PEPD: variants seen among roughly 807,000 people sequenced by gnomAD.
PEPD encodes the protein xaa-Pro dipeptidase.
In PEPD, 53 loss-of-function variants were observed where a neutral mutation model predicts 60.7. The observed-to-expected ratio is 0.87, with a 90% CI of 0.70 to 1.10. PEPD has a LOEUF of 1.10. PEPD is among the 50% of genes least tolerant of loss of function. PEPD has a pLI of 0.00. For synonymous variants in PEPD, 267 were observed against 284.1 expected (o/e 0.94, Z 0.60); for missense variants, 711 against 711.9 (o/e 1.00, Z 0.01).
chr19:33,393,300 C>CGGGGTCT lies in PEPD; in HGVS notation c.968-1828_968-1822dup, dbSNP rs544367309. On this transcript the variant is annotated intron_variant, in intron 12 of 14. Coordinates refer to ENST00000244137, the MANE Select transcript of PEPD (RefSeq NM_000285.4). ...CTGGGGTCTGGCGTGGGGGAGAGCC[C>CGGGGTCT]GGGGTCTGGCGTGGGGGAGAGCCCG... Among the ~76,000 whole-genome samples the CGGGGTCT allele has an allele frequency of 3.9e-3, 585 of 148,634 alleles. 3 individuals are homozygous for CGGGGTCT. The highest frequency in any genetic ancestry group is 0.014 in the Middle Eastern group (4 of 288).
intron 1 of PEPD, among the ~76,000 whole-genome samples, chr19:33,520,135 G>C (rs868537039): frequency 6.6e-6 from 1 of 151,750 alleles, no homozygotes; most frequent in Non-Finnish European, 1.5e-5. Flanking sequence ...ACTTGCTCCC[G>C]TCCAGACATC....
At chr19:33,445,975 C>G (rs1261478324) in intron 9 of PEPD, among the ~76,000 whole-genome samples, 1 of 152,212 alleles carries the variant, frequency 6.6e-6, no homozygotes, top group African/African-American at 2.4e-5. Flanking sequence ...CCTGCCTGCC[C>G]CTGCCCCCAC....
chr19:33,390,775 A>G (rs1003004692), intron 13 of PEPD, among the ~76,000 whole-genome samples: 3 of 152,184 alleles, frequency 2.0e-5, no homozygotes, highest in African/African-American at 7.2e-5. Context: ...AGGAGGCTGC[A>G]GGGTCCCAGG....
rs1356389753 is a variant in PEPD at position 33,445,013 on chromosome 19, C to A, written c.671+17982G>T. Among the ~76,000 whole-genome samples the A allele has an allele frequency of 2.0e-5, 3 of 152,232 alleles. No homozygotes were observed. In the East Asian group the frequency reaches 5.8e-4, roughly 29 times the overall value. On this transcript the variant is annotated intron_variant, in intron 9 of 14. Transcript: ENST00000244137. ...AGCTGGAGGTCACCACAGTGAAGTG[C>A]AACGCAGGCTCCAGGACCAACGCCA...
intron 9 of PEPD, among the ~76,000 whole-genome samples, chr19:33,432,675 T>A (rs1240059277): frequency 6.6e-6 from 1 of 152,258 alleles, no homozygotes; most frequent in East Asian, 1.9e-4. Flanking sequence ...CCAGCAGGTA[T>A]GGGCAAATCA....
At chr19:33,469,502 G>C (rs1970083352) in intron 7 of PEPD, among the ~76,000 whole-genome samples, 1 of 152,164 alleles carries the variant, frequency 6.6e-6, no homozygotes, top group Non-Finnish European at 1.5e-5. Flanking sequence ...GGAGCGCGCA[G>C]CAGCCAGCAG....
intron 3 of PEPD, among the ~76,000 whole-genome samples, chr19:33,510,750 A>C (rs1420082368): frequency 6.6e-6 from 1 of 152,164 alleles, no homozygotes; most frequent in Non-Finnish European, 1.5e-5. Flanking sequence ...TTTACCAGAA[A>C]ACTTCCCAAG....
At chr19:33,485,151 C>A (rs1970374069) in intron 6 of PEPD, among the ~76,000 whole-genome samples, 1 of 152,144 alleles carries the variant, frequency 6.6e-6, no homozygotes, top group African/African-American at 2.4e-5. Context: ...CAGGTTCTCA[C>A]CTCTTGAGGG....
intron 7 of PEPD, among the ~76,000 whole-genome samples, chr19:33,475,633 T>A (rs1970201464): frequency 6.6e-6 from 1 of 152,164 alleles, no homozygotes; most frequent in Non-Finnish European, 1.5e-5. Flanking sequence ...TAATGACTTA[T>A]CCCTTAGGAG....
intron 3 of PEPD, among the ~76,000 whole-genome samples, chr19:33,502,569 T>C (rs1032710452): frequency 1.3e-5 from 2 of 152,154 alleles, no homozygotes; most frequent in Non-Finnish European, 2.9e-5. Flanking sequence ...TGATTGCAAG[T>C]AGAGTCTTGG....
At chr19:33,418,429 G>A (rs772767373) in intron 9 of PEPD, among the ~76,000 whole-genome samples, 20 of 152,182 alleles carry the variant, frequency 1.3e-4, no homozygotes, top group Non-Finnish European at 2.2e-4. Flanking sequence ...AGCCAAAACC[G>A]GATGTTTCTA....
chr19:33,520,534 T>C (rs975749058), intron 1 of PEPD, among the ~76,000 whole-genome samples: 3 of 152,208 alleles, frequency 2.0e-5, no homozygotes, highest in Non-Finnish European at 2.9e-5. Flanking sequence ...CATGTGTCCA[T>C]CTGTTCCAGT....
chr19:33,486,079 A>C (rs962387095), intron 6 of PEPD, among the ~76,000 whole-genome samples: 1 of 151,964 alleles, frequency 6.6e-6, no homozygotes, highest in African/African-American at 2.4e-5. Context: ...CTCTCAGGAA[A>C]ACCTGCCCTA....
At chr19:33,498,675 C>T (rs558954093) in intron 4 of PEPD, among the ~76,000 whole-genome samples, 1 of 151,292 alleles carries the variant, frequency 6.6e-6, no homozygotes, top group South Asian at 2.1e-4. Flanking sequence ...CCCATTCCAC[C>T]AGGATCCTTG....
intron 13 of PEPD, chr19:33,388,466 G>C (rs1968132971): frequency 2.6e-6 from 1 of 387,182 alleles, no homozygotes. Context: ...AGCCAAAAAA[G>C]CTCTTAAGGC....
At chr19:33,517,500 A>C (rs1971044576) in intron 1 of PEPD, among the ~76,000 whole-genome samples, 1 of 151,856 alleles carries the variant, frequency 6.6e-6, no homozygotes, top group Admixed American at 6.6e-5. Context: ...CGGAGGTTGC[A>C]GTGAGCCAAG....
At chr19:33,441,416 C>T (rs1969477785) in intron 9 of PEPD, among the ~76,000 whole-genome samples, 1 of 152,220 alleles carries the variant, frequency 6.6e-6, no homozygotes, top group Non-Finnish European at 1.5e-5. Context: ...GGGTTGGTGA[C>T]CACATCCCCA....
chr19:33,394,720 C>G (rs570838104), intron 12 of PEPD, among the ~76,000 whole-genome samples: 1 of 152,188 alleles, frequency 6.6e-6, no homozygotes, highest in Non-Finnish European at 1.5e-5. Context: ...CTGGAGACAC[C>G]GTCAAGCTCT....
intron 9 of PEPD, among the ~76,000 whole-genome samples, chr19:33,427,985 A>T: frequency 6.6e-6 from 1 of 151,928 alleles, no homozygotes; most frequent in East Asian, 1.9e-4. Context: ...CGGCAATCTG[A>T]TCATGGCAAA....
Sources: gnomAD v4.1 joint callset for allele counts (sites outside exome capture counted in the v4.1 genomes callset) on GRCh38, gnomAD v4.1.1 for gene constraint, MANE v1.5 for transcripts, NCBI Gene and HGNC (gene_info 2026-07-23, HGNC 2026-07-21) for gene names.